The following OCA2 variants were observed in gnomAD, a reference collection of about 807,000 sequenced individuals.
OCA2 encodes P protein.
A neutral mutation model predicts 100.2 loss-of-function variants in OCA2; 77 were observed. That is an observed-to-expected ratio of 0.77 (90% CI 0.64 to 0.93). The LOEUF (loss-of-function observed/expected upper bound fraction) is 0.93. Among genes scored for constraint, OCA2 ranks in the 40% least tolerant of loss-of-function variants. The pLI is 0.00. For synonymous variants in OCA2, 432 were observed against 439.2 expected (o/e 0.98, Z 0.21); for missense variants, 1,062 against 1,089.1 (o/e 0.98, Z 0.35).
intron 1 of OCA2, among the ~76,000 whole-genome samples, chr15:28,083,118 T>C (rs1467836726): frequency 6.6e-6 from 1 of 152,174 alleles, no homozygotes; most frequent in Non-Finnish European, 1.5e-5. Flanking sequence ...GTATCACCAC[T>C]CCTAATCGCC....
At chr15:27,810,124 A>C (rs1367149786) in intron 23 of OCA2, among the ~76,000 whole-genome samples, 1 of 152,266 alleles carries the variant, frequency 6.6e-6, no homozygotes, top group Non-Finnish European at 1.5e-5. Flanking sequence ...AAGTCATGCT[A>C]CAAGGCTATA....
intron 23 of OCA2, among the ~76,000 whole-genome samples, chr15:27,824,490 A>G (rs2034624205): frequency 6.6e-6 from 1 of 151,606 alleles, no homozygotes; most frequent in African/African-American, 2.4e-5. Flanking sequence ...ATCTGCTGAT[A>G]TAAAGGGAGA....
At chr15:27,918,737 T>C (rs144848094) in intron 19 of OCA2, among the ~76,000 whole-genome samples, 87 of 152,362 alleles carry the variant, frequency 5.7e-4, no homozygotes, top group African/African-American at 1.9e-3. Flanking sequence ...ATGCTACATG[T>C]ACCTGCACTA....
chr15:27,789,727 T>C (rs2032991247), intron 23 of OCA2, among the ~76,000 whole-genome samples: 1 of 152,186 alleles, frequency 6.6e-6, no homozygotes, highest in Non-Finnish European at 1.5e-5. Flanking sequence ...ACAAAAGCAA[T>C]TTAATGAAAA....
chr15:27,948,125 A>G (rs2039906819), intron 18 of OCA2, among the ~76,000 whole-genome samples: 1 of 152,126 alleles, frequency 6.6e-6, no homozygotes, highest in Non-Finnish European at 1.5e-5. Flanking sequence ...TCTAGCTGGG[A>G]AGGGGGAGGA....
intron 2 of OCA2, among the ~76,000 whole-genome samples, chr15:28,032,792 CAA>C (rs34369918): frequency 0.015 from 1,645 of 107,516 alleles, 12 homozygotes; most frequent in Middle Eastern, 0.045. Flanking sequence ...GACTCTGTCT[CAA>C]AAAAAAAAAA....
intron 1 of OCA2, among the ~76,000 whole-genome samples, chr15:28,097,558 C>A (rs2045009463): frequency 6.6e-6 from 1 of 152,202 alleles, no homozygotes; most frequent in Non-Finnish European, 1.5e-5. Context: ...CCACTACTAA[C>A]AGTTAAAAGC....
intron 6 of OCA2, among the ~76,000 whole-genome samples, chr15:28,019,530 T>C (rs575469560): frequency 6.6e-6 from 1 of 152,242 alleles, no homozygotes. Context: ...GCCTGGCTGC[T>C]GCGGGAGACA....
Position 27,951,452 on chromosome 15 carries a change from GA to G in OCA2, c.1951+331del, listed in dbSNP as rs376632601. On this transcript the variant is annotated intron_variant, in intron 18 of 23. Transcript: ENST00000354638. ...GCCCATGTGGCTCCATCTCTTCTGG[GA>G]ACCATGTAAAGATGTGGTTATTAAC... Among the ~76,000 whole-genome samples the G allele has an allele frequency of 9.1e-4, 139 of 152,330 alleles. 2 individuals carry two copies. Among genetic ancestry groups the G allele is most frequent in the African/African-American group, 3.3e-3 (136 of 41,582 alleles).
At chr15:27,807,223 A>G (rs993256431) in intron 23 of OCA2, among the ~76,000 whole-genome samples, 1 of 151,978 alleles carries the variant, frequency 6.6e-6, no homozygotes, top group East Asian at 1.9e-4. Flanking sequence ...GGAAACTCCA[A>G]ACTTCTCACT....
At chr15:27,786,617 T>C (rs923159818) in intron 23 of OCA2, among the ~76,000 whole-genome samples, 1 of 152,184 alleles carries the variant, frequency 6.6e-6, no homozygotes, top group Non-Finnish European at 1.5e-5. Flanking sequence ...AGCAATACAG[T>C]AGAATTTTGT....
At chr15:28,022,856 C>G (rs1211615173) in intron 5 of OCA2, among the ~76,000 whole-genome samples, 1 of 152,130 alleles carries the variant, frequency 6.6e-6, no homozygotes, top group African/African-American at 2.4e-5. Context: ...GGTTTTCTCA[C>G]AATGGAGAAT....
rs150865376 is a variant in OCA2, at chr15:28,063,402, G to A, written c.227+18246C>T. Among the ~76,000 whole-genome samples, 63 of 152,070 alleles carry A rather than the reference G, an allele frequency of 4.1e-4. No homozygotes were observed. The East Asian group carries it at 7.3e-3, about 18-fold the overall frequency. The stretch of plus-strand genomic sequence containing the variant: ...TGGTTGAAGTATTTAATCCATCTAT[G>A]TTTAATATAATTACCATTGAGGTAA... On this transcript the variant is annotated intron_variant, in intron 2 of 23. Coordinates refer to ENST00000354638, the MANE Select transcript of OCA2 (RefSeq NM_000275.3).
chr15:27,904,135 A>T (rs1253148603), intron 19 of OCA2, among the ~76,000 whole-genome samples: 1 of 152,034 alleles, frequency 6.6e-6, no homozygotes, highest in Non-Finnish European at 1.5e-5. Context: ...TCGCCTCTGA[A>T]CCTTTGTGGA....
intron 9 of OCA2, among the ~76,000 whole-genome samples, chr15:27,996,518 T>C (rs2041732191): frequency 6.6e-6 from 1 of 151,308 alleles, no homozygotes; most frequent in Non-Finnish European, 1.5e-5. Flanking sequence ...AGAAAGACAA[T>C]TGAAGAGATC....
At chr15:27,879,343 T>A (rs1055864940) in intron 19 of OCA2, among the ~76,000 whole-genome samples, 1 of 152,212 alleles carries the variant, frequency 6.6e-6, no homozygotes, top group Non-Finnish European at 1.5e-5. Context: ...TATAGCAGAA[T>A]GATTTATATT....
Position 27,957,809 on chromosome 15 carries a change from C to T in OCA2, c.1637-74G>A, listed in dbSNP as rs1595717375. Reference sequence around the variant, plus strand: ...CAGCAACACCCTCCTCTGTTCCCCACACAGTCGATGCCTGACAGAGCAGAC... The same window carrying T: ...CAGCAACACCCTCCTCTGTTCCCCATACAGTCGATGCCTGACAGAGCAGAC... On this transcript the variant is annotated intron_variant, in intron 15 of 23. Coordinates refer to ENST00000354638, the MANE Select transcript of OCA2 (RefSeq NM_000275.3). The surrounding 1 kb of genome is among the most constrained non-coding windows in gnomAD (Gnocchi z 4.3). 1 of 1,558,338 alleles carries T rather than the reference C, an allele frequency of 6.4e-7. No homozygotes were observed. The highest frequency in any genetic ancestry group is 8.8e-7 in the Non-Finnish European group (1 of 1,135,932).
chr15:27,762,323 C>T (rs1350978709), intron 23 of OCA2, among the ~76,000 whole-genome samples: 1 of 152,152 alleles, frequency 6.6e-6, no homozygotes, highest in Admixed American at 6.5e-5. Context: ...ACCTTGGAAG[C>T]TCTCTGAAGA....
intron 23 of OCA2, among the ~76,000 whole-genome samples, chr15:27,781,979 A>G (rs2032565807): frequency 6.6e-6 from 1 of 152,242 alleles, no homozygotes; most frequent in South Asian, 2.1e-4. Flanking sequence ...TTCCTGTGCT[A>G]GAGACACACT....
Sources: gnomAD v4.1 joint callset for allele counts (sites outside exome capture counted in the v4.1 genomes callset) on GRCh38, gnomAD v4.1.1 for gene constraint, Gnocchi (gnomAD v3.1) non-coding constraint, MANE v1.5 for transcripts, NCBI Gene and HGNC (gene_info 2026-07-23, HGNC 2026-07-21) for gene names.